The following FSTL5 variants were observed in gnomAD, a reference collection of about 807,000 sequenced individuals.
FSTL5 encodes the protein follistatin-related protein 5.
FSTL5 carries 62 observed loss-of-function variants against 89.1 expected under a neutral mutation model. The ratio of observed to expected loss-of-function variants is 0.70; its 90% confidence interval spans 0.57 to 0.86. The LOEUF is 0.86. Among genes scored for constraint, FSTL5 ranks in the 40% least tolerant of loss-of-function variants. FSTL5 has a pLI of 0.00. For missense variants in FSTL5, 1,057 were observed against 1,001.6 expected, an observed-to-expected ratio of 1.06 and a Z score of -0.75; for synonymous variants, 383 against 346.2, an observed-to-expected ratio of 1.11 and a Z score of -1.18.
intron 3 of FSTL5, among the ~76,000 whole-genome samples, chr4:161,927,218 T>A (rs1217687484): frequency 6.6e-6 from 1 of 151,656 alleles, no homozygotes; most frequent in Non-Finnish European, 1.5e-5. Flanking sequence ...TATAAATCTA[T>A]GCAATGAGAG....
intron 3 of FSTL5, among the ~76,000 whole-genome samples, chr4:162,009,806 A>C (rs1736709822): frequency 6.6e-6 from 1 of 152,058 alleles, no homozygotes; most frequent in Admixed American, 6.5e-5. Context: ...TATGTACATT[A>C]TGTAAATATT....
chr4:162,003,630 G>A (rs969749997), intron 3 of FSTL5, among the ~76,000 whole-genome samples: 4 of 152,178 alleles, frequency 2.6e-5, no homozygotes, highest in African/African-American at 9.7e-5. Context: ...AGAAAAAAAT[G>A]TATAATTATC....
intron 10 of FSTL5, among the ~76,000 whole-genome samples, chr4:161,535,841 G>A (rs906908953): frequency 6.6e-6 from 1 of 151,998 alleles, no homozygotes; most frequent in South Asian, 2.1e-4. Flanking sequence ...CAATCTAGGT[G>A]CCTATCAATG....
At chr4:161,479,574 A>G (rs1332948470) in intron 13 of FSTL5, among the ~76,000 whole-genome samples, 2 of 152,170 alleles carry the variant, frequency 1.3e-5, no homozygotes, top group Non-Finnish European at 2.9e-5. Flanking sequence ...CTGAAATAAA[A>G]AGCCAATCTA....
At chr4:161,872,046 C>T (rs1579158185) in intron 4 of FSTL5, among the ~76,000 whole-genome samples, 1 of 149,754 alleles carries the variant, frequency 6.7e-6, no homozygotes, top group Middle Eastern at 3.5e-3. Context: ...GGCCTGAGTG[C>T]AGTGGTGTGA....
chr4:161,642,635 CTAAA>C (rs1470528241), intron 7 of FSTL5, among the ~76,000 whole-genome samples: 10 of 152,038 alleles, frequency 6.6e-5, no homozygotes, highest in African/African-American at 1.7e-4. Flanking sequence ...GGAGATACAA[CTAAA>C]TACTTACATT....
rs559775730 is a variant in FSTL5 at position 161,947,680 on chromosome 4, G to T, written c.161-27028C>A. On this transcript the variant is annotated intron_variant, in intron 3 of 15. Transcript: ENST00000306100. ...ATTTTCTTTTATTTCTTCATTATAT[G>T]TTTTTCAGAATACTTTGGGCTAGTC... Among the ~76,000 whole-genome samples the T allele has an allele frequency of 7.2e-3, 1,095 of 152,054 alleles. 16 individuals carry two copies. The highest frequency in any genetic ancestry group is 0.025 in the African/African-American group (1,048 of 41,478).
chr4:161,735,986 T>C (rs770551856), intron 6 of FSTL5, among the ~76,000 whole-genome samples: 1 of 151,906 alleles, frequency 6.6e-6, no homozygotes, highest in Non-Finnish European at 1.5e-5. Flanking sequence ...CAGTGTAAAG[T>C]GAGAGATAAA....
intron 3 of FSTL5, among the ~76,000 whole-genome samples, chr4:162,007,860 T>C (rs1333841520): frequency 6.6e-6 from 1 of 151,870 alleles, no homozygotes; most frequent in Non-Finnish European, 1.5e-5. Flanking sequence ...ACAATCTATA[T>C]TACATTATTC....
At chr4:161,556,633 C>T (rs72687528) in intron 8 of FSTL5, among the ~76,000 whole-genome samples, 11,227 of 150,940 alleles carry the variant, frequency 0.074, 527 homozygotes, top group Middle Eastern at 0.17. Context: ...AATGAATTCA[C>T]GACAATATTG....
chr4:162,044,153 G>A (rs1738082759), intron 2 of FSTL5, among the ~76,000 whole-genome samples: 2 of 152,122 alleles, frequency 1.3e-5, no homozygotes, highest in Admixed American at 1.3e-4. Context: ...AGGAATCACT[G>A]TCTATGACAG....
intron 4 of FSTL5, among the ~76,000 whole-genome samples, chr4:161,893,326 C>T (rs187359542): frequency 1.3e-5 from 2 of 152,188 alleles, no homozygotes; most frequent in Non-Finnish European, 2.9e-5. Flanking sequence ...AAATTTAAGA[C>T]AGATAATGGA....
intron 8 of FSTL5, among the ~76,000 whole-genome samples, chr4:161,571,339 C>A (rs1424704134): frequency 6.6e-6 from 1 of 151,724 alleles, no homozygotes; most frequent in Non-Finnish European, 1.5e-5. Flanking sequence ...CTGTGACAAA[C>A]CCCACAGAAA....
intron 2 of FSTL5, among the ~76,000 whole-genome samples, chr4:162,100,823 T>TA: frequency 6.6e-6 from 1 of 152,250 alleles, no homozygotes; most frequent in South Asian, 2.1e-4. Flanking sequence ...TAAAATTCTC[T>TA]AAAAATAATG....
chr4:162,004,748 T>C (rs1465213041), intron 3 of FSTL5, among the ~76,000 whole-genome samples: 1 of 152,204 alleles, frequency 6.6e-6, no homozygotes, highest in Non-Finnish European at 1.5e-5. Context: ...TATTTAGTTA[T>C]TGATTTCAGT....
chr4:161,414,019 T>C lies in FSTL5; in HGVS notation c.1842-27570A>G, dbSNP rs10027987. ...TTCTCCAAACCTCAGTGTCACTCCA[T>C]ATTCCCAAGTAAAATATCTGCTGCA... On this transcript the variant is annotated intron_variant, in intron 15 of 15. Transcript: ENST00000306100. Among the ~76,000 whole-genome samples the C allele has an allele frequency of 2.1e-3, 321 of 152,278 alleles. 1 individual carries two copies. Among genetic ancestry groups the C allele is most frequent in the African/African-American group, 7.4e-3 (309 of 41,568 alleles).
At chr4:162,106,680 G>A (rs1731239620) in intron 2 of FSTL5, among the ~76,000 whole-genome samples, 1 of 152,148 alleles carries the variant, frequency 6.6e-6, no homozygotes, top group African/African-American at 2.4e-5. Context: ...AGAAAAAGGA[G>A]CACAGGGTTT....
chr4:161,835,194 A>C (rs961882419), intron 4 of FSTL5, among the ~76,000 whole-genome samples: 8 of 151,680 alleles, frequency 5.3e-5, no homozygotes, highest in Non-Finnish European at 8.8e-5. Context: ...GAAAACCAAG[A>C]AATGGGGAAA....
At chr4:161,442,902 A>G (rs564009214) in intron 15 of FSTL5, among the ~76,000 whole-genome samples, 2 of 152,092 alleles carry the variant, frequency 1.3e-5, no homozygotes, top group African/African-American at 4.8e-5. Flanking sequence ...GCCAGATGGA[A>G]TTTGGGGCTC....
Sources: allele counts gnomAD v4.1 joint callset (sites outside exome capture counted in the v4.1 genomes callset), GRCh38; gene constraint gnomAD v4.1.1; transcripts MANE v1.5; gene names NCBI Gene and HGNC (gene_info 2026-07-23, HGNC 2026-07-21).